C6orf89: variants seen among roughly 807,000 people sequenced by gnomAD.
C6orf89 encodes bombesin receptor-activated protein C6orf89.
C6orf89 carries 29 observed loss-of-function variants against 40.7 expected under a neutral mutation model. The observed-to-expected ratio is 0.71, with a 90% confidence interval of 0.53 to 0.97. The LOEUF is 0.97. Ranked by LOEUF, C6orf89 falls within the 50% of genes least tolerant of loss-of-function variation. The pLI, the probability that C6orf89 is intolerant of heterozygous loss-of-function variation, is 0.00. For synonymous variants in C6orf89, 165 were observed against 152.2 expected (o/e 1.08, Z -0.62); for missense variants, 392 against 429.1 (o/e 0.91, Z 0.76).
chr6:36,894,039 GGAAAAAAAGGA>G (rs1761330751), intron 1 of C6orf89, among the ~76,000 whole-genome samples: 1 of 146,468 alleles, frequency 6.8e-6, no homozygotes, highest in Non-Finnish European at 1.5e-5. Flanking sequence ...AAAAAAAAAA[GGAAAAAAAGGA>G]AAAAAAAAAG....
intron 4 of C6orf89, among the ~76,000 whole-genome samples, chr6:36,913,509 C>T (rs918284673): frequency 2.6e-5 from 4 of 152,196 alleles, no homozygotes; most frequent in African/African-American, 9.7e-5. Context: ...TGCACACATC[C>T]AGCATGTGTG....
intron 1 of C6orf89, among the ~76,000 whole-genome samples, chr6:36,893,224 G>A (rs1035708277): frequency 3.3e-5 from 5 of 151,902 alleles, no homozygotes; most frequent in Admixed American, 6.6e-5. Context: ...GTGAGCCACC[G>A]CGCCCGGCCT....
intron 2 of C6orf89, among the ~76,000 whole-genome samples, chr6:36,898,857 T>C (rs1330235628): frequency 6.6e-6 from 1 of 152,058 alleles, no homozygotes; most frequent in Non-Finnish European, 1.5e-5. Context: ...GAAAGAAAAG[T>C]GTGAGGACTG....
chr6:36,918,115 T>G (rs1762391272), intron 7 of C6orf89, among the ~76,000 whole-genome samples: 1 of 152,294 alleles, frequency 6.6e-6, no homozygotes, highest in Admixed American at 6.5e-5. Context: ...AAGTCACGTG[T>G]CTGTGGGCCC....
intron 3 of C6orf89, 127 bp downstream of exon 3, chr6:36,899,760 C>A: frequency 1.2e-6 from 1 of 861,888 alleles, no homozygotes; most frequent in Non-Finnish European, 1.8e-6. Flanking sequence ...TTGGCCTTTG[C>A]TCTTGTTACC....
chr6:36,883,850 A>T (rs1416549658), upstream of C6orf89, among the ~76,000 whole-genome samples: 1 of 152,254 alleles, frequency 6.6e-6, no homozygotes, highest in East Asian at 1.9e-4. Flanking sequence ...ATCGTTACAC[A>T]ACAGACTTTA....
chr6:36,909,208 A>AT, intron 4 of C6orf89, among the ~76,000 whole-genome samples: 1 of 151,406 alleles, frequency 6.6e-6, no homozygotes, highest in Admixed American at 6.6e-5. Flanking sequence ...TATTACAAAA[A>AT]TATGTACCTG....
chr6:36,923,293 G>A, intron 8 of C6orf89, 54 bp from the exon 9 acceptor site: 2 of 1,414,004 alleles, frequency 1.4e-6, no homozygotes, highest in South Asian at 2.4e-5. Context: ...CGTGCCCACA[G>A]GTGTGCCCAC....
intron 4 of C6orf89, among the ~76,000 whole-genome samples, chr6:36,906,613 C>G (rs1256203329): frequency 6.6e-6 from 1 of 152,098 alleles, no homozygotes; most frequent in African/African-American, 2.4e-5. Context: ...GGTTCAAATG[C>G]ATTGCTTCCT....
rs1762631763 is a variant in C6orf89, at chr6:36,924,970, A to G, written c.*1529A>G. 6.6e-6 allele frequency: 1 copy of G among 152,156 alleles called. No individual in the cohort carries two copies. Among genetic ancestry groups the G allele is most frequent in the Admixed American group, 6.5e-5 (1 of 15,278 alleles). 9.4% of individuals were successfully genotyped at this position (152,156 alleles called of 1,614,324 possible). On this transcript the variant is annotated 3_prime_UTR_variant, in exon 9 of 9. Transcript: ENST00000480824. ...ATGGCCTGTTTGTCTATGGGCTTGC[A>G]AAGGACAAGCAGAGTTCACAGAGCT...
At chr6:36,908,575 G>T (rs1583183214) in intron 4 of C6orf89, among the ~76,000 whole-genome samples, 1 of 152,032 alleles carries the variant, frequency 6.6e-6, no homozygotes, top group African/African-American at 2.4e-5. Context: ...TATACAAATA[G>T]ATATACTTAA....
chr6:36,919,486 C>G (rs2150715534), intron 7 of C6orf89, 92 bp from the exon 8 acceptor site: 1 of 1,452,912 alleles, frequency 6.9e-7, no homozygotes. Context: ...AACTCAGAGC[C>G]ATATGTGAAA....
chr6:36,872,417 T>A (rs1246456022), intron 1 of C6orf89, among the ~76,000 whole-genome samples: 1 of 152,154 alleles, frequency 6.6e-6, no homozygotes, highest in Non-Finnish European at 1.5e-5. Context: ...CAATAAAAGG[T>A]ACAGTTTGTG....
intron 6 of C6orf89, 66 bp downstream of exon 6, chr6:36,914,759 G>A (rs1319977200): frequency 3.8e-6 from 6 of 1,576,948 alleles, no homozygotes; most frequent in African/African-American, 1.3e-5. Flanking sequence ...GGAGGCCGAG[G>A]CAGGCAGATC....
chr6:36,902,711 G>A (rs987840235), intron 4 of C6orf89, among the ~76,000 whole-genome samples: 6 of 152,220 alleles, frequency 3.9e-5, no homozygotes, highest in African/African-American at 1.2e-4. Context: ...GGGGACAAAT[G>A]TCTTTGCCCA....
intron 4 of C6orf89, 132 bp from the exon 5 acceptor site, chr6:36,914,150 ACT>A (rs1422618055): frequency 3.5e-6 from 3 of 861,404 alleles, no homozygotes; most frequent in Non-Finnish European, 5.1e-6. Flanking sequence ...ACAGAGTGAG[ACT>A]CTGTCTCAAA....
Position 36,886,048 on chromosome 6 carries a change from G to A in C6orf89, c.-120+20G>A. ...CCGCATGTGAGTGACTGGGGCCCGA[G>A]GCTGGGTGGGGGGAGGCCGCCCTGT... On this transcript the variant is annotated intron_variant, in intron 1 of 8. Coordinates refer to ENST00000480824, the MANE Select transcript of C6orf89 (RefSeq NM_001286635.2). 1 of 1,238,002 alleles carries A rather than the reference G, an allele frequency of 8.1e-7. No homozygotes were observed. The highest frequency in any genetic ancestry group is 1.0e-6 in the Non-Finnish European group (1 of 990,572). 76.7% of individuals were successfully genotyped at this position (1,238,002 alleles called of 1,614,324 possible).
intron 4 of C6orf89, among the ~76,000 whole-genome samples, chr6:36,903,617 G>A (rs1189356863): frequency 4.6e-5 from 7 of 151,966 alleles, no homozygotes; most frequent in Non-Finnish European, 1.0e-4. Flanking sequence ...CCGCCACCAC[G>A]CCCGGCTAAT....
rs145509483 is a variant in C6orf89 at position 36,902,235 on chromosome 6, G to A, written c.204G>A (p.Leu68=). 3 of 1,613,908 alleles carry A rather than the reference G, an allele frequency of 1.9e-6. No homozygotes were observed. The African/African-American group carries it at 4.0e-5, about 22-fold the overall frequency. The change falls in exon 4 of 9, where the codon TTG becomes TTA. Residue 68 remains leucine, a synonymous_variant. Transcript: ENST00000480824. ...TTTCCTTGTAGGTTCTCGCAACCTTGGGATTAATCTTGCTCACTGCCTACT... is the reference window on the plus strand; with the variant it reads ...TTTCCTTGTAGGTTCTCGCAACCTTAGGATTAATCTTGCTCACTGCCTACT... ...LIVVYKVLAT[L]GLILLTAYFV... is the part of the protein sequence containing the mutation.
Sources: allele counts gnomAD v4.1 joint callset (sites outside exome capture counted in the v4.1 genomes callset), GRCh38; gene constraint gnomAD v4.1.1; transcripts MANE v1.5; gene names NCBI Gene and HGNC (gene_info 2026-07-23, HGNC 2026-07-21).